Variants in CDH2 observed in about 807,000 individuals in gnomAD.
CDH2 encodes the protein cadherin 2.
Under a neutral mutation model 92.0 loss-of-function variants are expected in CDH2, and 17 were observed. The observed-to-expected ratio is 0.18, with a 90% CI of 0.13 to 0.28. The LOEUF (loss-of-function observed/expected upper bound fraction) is 0.28. Ranked by LOEUF, CDH2 falls within the 10% of genes least tolerant of loss-of-function variation. CDH2 has a pLI of 1.00. For synonymous variants in CDH2, 419 were observed against 415.9 expected, an observed-to-expected ratio of 1.01 and a Z score of -0.09; for missense variants, 862 against 1,133.1, an observed-to-expected ratio of 0.76 and a Z score of 3.44.
chr18:27,994,062 T>C (rs895802772), intron 7 of CDH2, among the ~76,000 whole-genome samples: 1 of 152,230 alleles, frequency 6.6e-6, no homozygotes, highest in African/African-American at 2.4e-5. Flanking sequence ...GAAGAACACA[T>C]ACATAATTCA....
At chr18:27,982,377 C>T (rs533707176) in intron 14 of CDH2, among the ~76,000 whole-genome samples, 1 of 152,232 alleles carries the variant, frequency 6.6e-6, no homozygotes, top group East Asian at 1.9e-4. Context: ...TATTGAATAA[C>T]CACCTCAAGC....
At chr18:28,152,541 TA>T (rs537598484) in intron 1 of CDH2, among the ~76,000 whole-genome samples, 1 of 152,020 alleles carries the variant, frequency 6.6e-6, no homozygotes, top group East Asian at 1.9e-4. Flanking sequence ...CTGCTTGAAC[TA>T]AAACAAGGCA....
intron 7 of CDH2, among the ~76,000 whole-genome samples, chr18:28,001,541 G>A (rs1599024048): frequency 6.6e-6 from 1 of 151,976 alleles, no homozygotes; most frequent in African/African-American, 2.4e-5. Flanking sequence ...TGAGTTTATC[G>A]GCATATAAAA....
At chr18:28,108,831 G>A (rs987800378) in intron 2 of CDH2, among the ~76,000 whole-genome samples, 3 of 148,234 alleles carry the variant, frequency 2.0e-5, no homozygotes, top group South Asian at 2.1e-4. Flanking sequence ...ACCTCACGTA[G>A]AAGCAAGGGT....
chr18:28,010,004 C>T (rs1283796189), intron 4 of CDH2, 132 bp from the exon 5 acceptor site: 2 of 583,684 alleles, frequency 3.4e-6, no homozygotes, highest in Non-Finnish European at 5.5e-6. Flanking sequence ...ATCACTGAAA[C>T]TCTCCTAGTG....
intron 2 of CDH2, among the ~76,000 whole-genome samples, chr18:28,016,269 T>C (rs1217534498): frequency 6.6e-6 from 1 of 152,230 alleles, no homozygotes; most frequent in Admixed American, 6.5e-5. Flanking sequence ...TTTGGCTTCA[T>C]GAGAGTTAAG....
chr18:28,139,779 TTTTC>T (rs2015923756), intron 2 of CDH2, among the ~76,000 whole-genome samples: 1 of 152,032 alleles, frequency 6.6e-6, no homozygotes, highest in Admixed American at 6.6e-5. Context: ...TTAAACTGTT[TTTTC>T]TTTCTTAGGC....
chr18:27,992,810 C>G lies in CDH2; in HGVS notation c.1189G>C (p.Asp397His). 1 of 1,613,676 alleles carries G rather than the reference C, an allele frequency of 6.2e-7. No individual in the cohort carries two copies. The highest frequency in any genetic ancestry group is 8.5e-7 in the Non-Finnish European group (1 of 1,179,766). ...FYGEVPENRVDIIVANLTVTD... is the reference protein window; with the variant it reads ...FYGEVPENRVHIIVANLTVTD... ...ACAGTTAGATTAGCTACTATGATGT[C>G]TACCCTGTTCTCAGGAACTTCACCA... Residue 397 changes from aspartate to histidine, a missense_variant, in exon 9 of 16, where the codon GAC (aspartate) becomes CAC (histidine). This residue lies in a region of CDH2 where 564 missense variants were observed against 722.2 expected (regional missense o/e 0.78). Coordinates refer to ENST00000269141, the MANE Select transcript of CDH2 (RefSeq NM_001792.5).
intron 2 of CDH2, among the ~76,000 whole-genome samples, chr18:28,116,353 C>T (rs535341648): frequency 6.6e-6 from 1 of 152,238 alleles, no homozygotes; most frequent in South Asian, 2.1e-4. Flanking sequence ...TCTGTAACAA[C>T]GAAAATAATA....
intron 2 of CDH2, among the ~76,000 whole-genome samples, chr18:28,122,396 T>A (rs2144274131): frequency 6.6e-6 from 1 of 152,160 alleles, no homozygotes; most frequent in African/African-American, 2.4e-5. Flanking sequence ...CTCCTAGGAG[T>A]TTTCTTTTTG....
chr18:28,163,364 A>G (rs1022591078), intron 1 of CDH2, among the ~76,000 whole-genome samples: 1 of 152,242 alleles, frequency 6.6e-6, no homozygotes, highest in Non-Finnish European at 1.5e-5. Context: ...TCCTTGGTAC[A>G]CATCCAAGAG....
intron 2 of CDH2, among the ~76,000 whole-genome samples, chr18:28,093,707 C>T (rs893668566): frequency 2.0e-5 from 3 of 152,238 alleles, no homozygotes; most frequent in Admixed American, 6.5e-5. Flanking sequence ...ACATTTTCCT[C>T]GACATATTCT....
intron 2 of CDH2, among the ~76,000 whole-genome samples, chr18:28,138,574 C>T (rs2144310622): frequency 6.6e-6 from 1 of 152,172 alleles, no homozygotes; most frequent in Middle Eastern, 3.4e-3. Flanking sequence ...GATGTTTAGC[C>T]TGCAGCAGAG....
intron 2 of CDH2, among the ~76,000 whole-genome samples, chr18:28,040,633 T>C (rs1225460592): frequency 6.6e-6 from 1 of 152,094 alleles, no homozygotes; most frequent in African/African-American, 2.4e-5. Context: ...GCAAACAATA[T>C]AAAGTAGATG....
Position 28,003,112 on chromosome 18 carries a change from C to T in CDH2, c.905G>A (p.Gly302Glu), listed in dbSNP as rs184596097. 4 of 1,613,354 alleles carry T rather than the reference C, an allele frequency of 2.5e-6. No homozygotes were observed. The African/African-American group carries it at 5.3e-5, about 22-fold the overall frequency. The stretch of plus-strand genomic sequence containing the variant: ...AGACACGATTCTGTACCTCAACATC[C>T]CATTGAGGGCATTGGGATCGTCAGC... ...IDADDPNALN[G>E]MLRYRIVSQA... Residue 302 changes from glycine to glutamate, a missense_variant, in exon 7 of 16, where the codon GGG (glycine) becomes GAG (glutamate). Coordinates refer to ENST00000269141, the MANE Select transcript of CDH2 (RefSeq NM_001792.5).
At chr18:28,104,277 T>C (rs2144240008) in intron 2 of CDH2, among the ~76,000 whole-genome samples, 1 of 152,316 alleles carries the variant, frequency 6.6e-6, no homozygotes, top group African/African-American at 2.4e-5. Context: ...AAGTCTTTTC[T>C]TCTGAAGAAA....
At chr18:27,942,726 G>A (rs1909172626) in intron 6 of CDH2, among the ~76,000 whole-genome samples, 1 of 152,300 alleles carries the variant, frequency 6.6e-6, no homozygotes, top group East Asian at 1.9e-4. Context: ...GCCCGGAAAT[G>A]TTACTTTGAT....
rs757405709 is a variant in CDH2 at position 28,003,165 on chromosome 18, T to C, written c.852A>G (p.Thr284=). 1.7e-5 allele frequency: 27 copies of C among 1,613,360 alleles called. No individual in the cohort carries two copies. The East Asian group carries it at 4.0e-4, about 24-fold the overall frequency. ...GTVPEGSKPG[T]YVMTVTAIDA... ...CAATTGCTGTTACGGTCATCACATA[T>C]GTTCCTAGAGACAGTGTACATGGAA... Residue 284 remains threonine (T), a synonymous_variant, in exon 7 of 16, where the codon ACA becomes ACG. Coordinates refer to ENST00000269141, the MANE Select transcript of CDH2 (RefSeq NM_001792.5).
In CDH2 at chr18:28,013,882, C is replaced by A. The variant is rs766988186; in HGVS notation, c.200G>T (p.Arg67Ile). Residue 67 changes from arginine (R) to isoleucine (I), a missense_variant, in exon 3 of 16, where the codon AGA becomes ATA. Around this residue, in one of 5 missense-constraint regions of CDH2, gnomAD observed 159 missense variants for 177.2 expected, o/e 0.90. Coordinates refer to ENST00000269141, the MANE Select transcript of CDH2 (RefSeq NM_001792.5). ...NVKFSNCNGKRKVQYESSEPA... is the reference protein window; with the variant it reads ...NVKFSNCNGKIKVQYESSEPA... Reference sequence around the variant, plus strand: ...CTCACTGCTCTCATATTGTACTTTTCTTTTTCCATTGCAGTTGCTAAACTT... The same window carrying A: ...CTCACTGCTCTCATATTGTACTTTTATTTTTCCATTGCAGTTGCTAAACTT... 1 of 1,613,120 alleles carries A rather than the reference C, an allele frequency of 6.2e-7. No homozygotes were observed. Among genetic ancestry groups the A allele is most frequent in the South Asian group, 1.1e-5 (1 of 91,074 alleles).
Sources: allele counts gnomAD v4.1 joint callset (sites outside exome capture counted in the v4.1 genomes callset), GRCh38; gene constraint gnomAD v4.1.1; regional missense constraint gnomAD v4.1.1; transcripts MANE v1.5; gene names NCBI Gene and HGNC (gene_info 2026-07-23, HGNC 2026-07-21).